COL11A1: variants seen among roughly 807,000 people sequenced by gnomAD.
COL11A1 encodes the protein collagen type XI alpha 1 chain.
A neutral mutation model predicts 265.2 loss-of-function variants in COL11A1; 74 were observed. That is an observed-to-expected ratio of 0.28 (90% CI 0.23 to 0.34). COL11A1 has a LOEUF of 0.34. Ranked by LOEUF, COL11A1 falls within the 10% of genes least tolerant of loss-of-function variation. COL11A1 has a pLI of 1.00. For synonymous variants in COL11A1, 816 were observed against 727.6 expected (o/e 1.12, Z -1.96); for missense variants, 2,165 against 2,263.6 (o/e 0.96, Z 0.88).
At chr1:102,979,649 T>G in intron 31 of COL11A1, 1 of 638,070 alleles carries the variant, frequency 1.6e-6, no homozygotes, top group East Asian at 3.1e-5. Context: ...TAAAACATTT[T>G]AGTTTTTAAC....
intron 4 of COL11A1, among the ~76,000 whole-genome samples, chr1:103,060,177 A>G (rs1024205898): frequency 1.3e-5 from 2 of 152,132 alleles, no homozygotes; most frequent in African/African-American, 4.8e-5. Context: ...CAGAAATCAT[A>G]CAAGAAAGAG....
At chr1:102,992,939 A>G (rs1664277966) in intron 28 of COL11A1, among the ~76,000 whole-genome samples, 1 of 152,114 alleles carries the variant, frequency 6.6e-6, no homozygotes, top group South Asian at 2.1e-4. Flanking sequence ...GCAATTGTTA[A>G]TAAGCTTTCC....
In COL11A1 at chr1:102,978,840, A is replaced by G; in HGVS notation, c.2709+20T>C. ...AAAAAATCTACAGTAACATCCAAAC[A>G]GAAAAAGTACAGGTGATACCTTTGG... On this transcript the variant is annotated intron_variant, in intron 34 of 66. Transcript: ENST00000370096. 3 of 1,614,108 alleles carry G rather than the reference A, an allele frequency of 1.9e-6. No individual in the cohort carries two copies. The highest frequency in any genetic ancestry group is 2.5e-6 in the Non-Finnish European group (3 of 1,179,982).
At chr1:102,930,760 C>A (rs1237869636) in intron 46 of COL11A1, among the ~76,000 whole-genome samples, 2 of 151,928 alleles carry the variant, frequency 1.3e-5, no homozygotes, top group African/African-American at 4.8e-5. Flanking sequence ...ATTATTGCCA[C>A]AATTTCAGAT....
intron 1 of COL11A1, among the ~76,000 whole-genome samples, chr1:103,104,718 C>G (rs756874446): frequency 2.6e-5 from 4 of 152,128 alleles, no homozygotes; most frequent in Non-Finnish European, 5.9e-5. Context: ...AGTCTATATT[C>G]TTTCTCTATT....
chr1:103,065,258 C>T (rs1174507704), intron 4 of COL11A1, among the ~76,000 whole-genome samples: 6 of 152,088 alleles, frequency 3.9e-5, no homozygotes, highest in Non-Finnish European at 8.8e-5. Flanking sequence ...CGGTGGCTCA[C>T]GCCTATAATC....
Position 102,880,621 on chromosome 1 carries a change from T to G in COL11A1, c.5041-705A>C, listed in dbSNP as rs368168760. The stretch of plus-strand genomic sequence containing the variant: ...TTATTAGCAACTGTCTCATATCATC[T>G]TTATAAATTGTCTTATTTTTGGTAA... On this transcript the variant is annotated intron_variant, in intron 65 of 66. Coordinates refer to ENST00000370096, the MANE Select transcript of COL11A1 (RefSeq NM_001854.4). Among the ~76,000 whole-genome samples the G allele has an allele frequency of 8.3e-4, 126 of 152,246 alleles. 5 individuals are homozygous for G. In the South Asian group the frequency reaches 0.025, roughly 31 times the overall value.
intron 3 of COL11A1, among the ~76,000 whole-genome samples, chr1:103,077,610 C>T (rs1672077004): frequency 6.6e-6 from 1 of 151,992 alleles, no homozygotes; most frequent in South Asian, 2.1e-4. Flanking sequence ...TCAATGATCA[C>T]TGCTACTTCC....
At position 103,023,015 on chromosome 1, in the gene COL11A1, A is replaced by T. The variant is rs1667226194; in HGVS notation, c.991-19T>A. 4 of 1,605,930 alleles carry T rather than the reference A, an allele frequency of 2.5e-6. No individual in the cohort carries two copies. Among genetic ancestry groups the T allele is most frequent in the Non-Finnish European group, 3.4e-6 (4 of 1,175,112 alleles). The stretch of plus-strand genomic sequence containing the variant: ...GATTTGGCTATTAATTTAAATTGCA[A>T]GGAATTGAGGAACATGAAGTTTATT... On this transcript the variant is annotated intron_variant, in intron 7 of 66. Coordinates refer to ENST00000370096, the MANE Select transcript of COL11A1 (RefSeq NM_001854.4).
chr1:102,927,654 A>G (rs1656771652), intron 46 of COL11A1, among the ~76,000 whole-genome samples: 1 of 152,084 alleles, frequency 6.6e-6, no homozygotes, highest in African/African-American at 2.4e-5. Flanking sequence ...AAAAAACAAA[A>G]AAAAAACCAA....
chr1:102,878,226 AT>A, intron 66 of COL11A1, 61 bp from the exon 67 acceptor site: 1 of 1,478,242 alleles, frequency 6.8e-7, no homozygotes, highest in South Asian at 1.2e-5. Context: ...AATGCATCTT[AT>A]TTTTTCTTGG....
intron 41 of COL11A1, among the ~76,000 whole-genome samples, chr1:102,951,061 A>G (rs1407689719): frequency 6.6e-6 from 1 of 152,180 alleles, no homozygotes; most frequent in Admixed American, 6.5e-5. Context: ...CTGTGAGTCA[A>G]TTAAACCTCT....
At chr1:102,994,194 G>A (rs534733653) in intron 28 of COL11A1, among the ~76,000 whole-genome samples, 109 of 152,110 alleles carry the variant, frequency 7.2e-4, no homozygotes, top group Middle Eastern at 3.4e-3. Flanking sequence ...ATAAATGACT[G>A]TCCTTGAAAA....
intron 63 of COL11A1, 135 bp downstream of exon 63, chr1:102,886,672 C>G (rs1651019792): frequency 1.6e-6 from 2 of 1,287,316 alleles, no homozygotes; most frequent in Admixed American, 1.8e-5. Context: ...TTTTTTCTGT[C>G]TAGAAGATAA....
At chr1:103,094,059 T>C (rs1480274981) in intron 1 of COL11A1, among the ~76,000 whole-genome samples, 1 of 152,108 alleles carries the variant, frequency 6.6e-6, no homozygotes, top group Non-Finnish European at 1.5e-5. Context: ...TGTGGCCATA[T>C]GTTATCCATG....
At position 103,041,674 on chromosome 1, in the gene COL11A1, A is replaced by G. The variant is rs545238434; in HGVS notation, c.652-10430T>C. Among the ~76,000 whole-genome samples, 555 of 152,042 alleles carry G rather than the reference A, an allele frequency of 3.7e-3. 2 individuals are homozygous for G. The highest frequency in any genetic ancestry group is 5.0e-3 in the Non-Finnish European group (342 of 67,896). ...CTTTTAAAGTATGCATATATATAATATAATCAGCATACCTTTATTTTTTCA... is the reference window on the plus strand; with the variant it reads ...CTTTTAAAGTATGCATATATATAATGTAATCAGCATACCTTTATTTTTTCA... On this transcript the variant is annotated intron_variant, in intron 4 of 66. Coordinates refer to ENST00000370096, the MANE Select transcript of COL11A1 (RefSeq NM_001854.4).
chr1:103,108,510 T>C lies in COL11A1; in HGVS notation c.-332A>G. 1.8e-6 allele frequency: 1 copy of C among 562,896 alleles called. No individual in the cohort carries two copies. The highest frequency in any genetic ancestry group is 3.1e-6 in the Non-Finnish European group (1 of 318,746). 34.9% of individuals were successfully genotyped at this position (562,896 alleles called of 1,614,324 possible). A position where few individuals can be genotyped will look rare whatever the true frequency, so the allele number is the denominator to read the frequency against. On this transcript the variant is annotated 5_prime_UTR_variant, in exon 1 of 67. Transcript: ENST00000370096. Reference sequence around the variant, plus strand: ...AGAGTACTGTGTGCCCCTAAAGGCTTCATGCCGTCAGTGGGCTGGACGAGT... The same window carrying C: ...AGAGTACTGTGTGCCCCTAAAGGCTCCATGCCGTCAGTGGGCTGGACGAGT...
Position 103,018,866 on chromosome 1 carries a change from C to A in COL11A1, c.1309-7G>T, listed in dbSNP as rs748684225. ...GTCCTTCGACAAGCATACCCTATAA[C>A]AGGAAAAGAGAACATCTCTACCAGG... On this transcript the variant is annotated splice_region_variant and splice_polypyrimidine_tract_variant and intron_variant, in intron 9 of 66. Transcript: ENST00000370096. 1 of 1,611,264 alleles carries A rather than the reference C, an allele frequency of 6.2e-7. No homozygotes were observed. Among genetic ancestry groups the A allele is most frequent in the Non-Finnish European group, 8.5e-7 (1 of 1,177,796 alleles).
chr1:103,035,130 T>C (rs1042585464), intron 4 of COL11A1, among the ~76,000 whole-genome samples: 6 of 152,074 alleles, frequency 3.9e-5, no homozygotes, highest in African/African-American at 1.4e-4. Context: ...GCTAGGTAGA[T>C]CCTCAAAGTC....
Sources: allele counts gnomAD v4.1 joint callset (sites outside exome capture counted in the v4.1 genomes callset), GRCh38; gene constraint gnomAD v4.1.1; transcripts MANE v1.5; gene names NCBI Gene and HGNC (gene_info 2026-07-23, HGNC 2026-07-21).